Variants in KCP observed in about 807,000 individuals in gnomAD.
The protein encoded by KCP is kielin/chordin-like protein.
In KCP, 194 loss-of-function variants were observed where a neutral mutation model predicts 212.7. That is an observed-to-expected ratio of 0.91 (90% CI 0.81 to 1.03). The LOEUF is 1.03. KCP is among the 50% of genes least tolerant of loss of function. KCP has a pLI of 0.00. For missense variants in KCP, 2,080 were observed against 2,162.5 expected (o/e 0.96, Z 0.76); for synonymous variants, 833 against 865.3 (o/e 0.96, Z 0.65).
Position 128,903,779 on chromosome 7 carries a change from G to C in KCP, c.696C>G (p.Ser232Arg), listed in dbSNP as rs1008005115. Residue 232 changes from serine to arginine, a missense_variant, in exon 7 of 40, where the codon AGC (serine) becomes AGG (arginine). Ser to Arg is a moderately radical substitution (Grantham distance 110, BLOSUM62 -1). Transcript: ENST00000610776. ...GCCTCAGCACTGGCTCTGGGCAGGG[G>C]CTAGGCGGGCACTTCAGGGCCATGC... The part of the protein sequence containing the change: ...VRCMALKCPP[S>R]PCPEPVLRPG... The C allele has an allele frequency of 6.4e-7, 1 of 1,551,282 alleles. No individual in the cohort carries two copies. The highest frequency in any genetic ancestry group is 1.2e-5 in the South Asian group (1 of 84,046).
intron 7 of KCP, 146 bp from the exon 8 acceptor site, chr7:128,903,005 C>A: frequency 1.5e-6 from 1 of 656,158 alleles, no homozygotes; most frequent in Non-Finnish European, 2.7e-6. Context: ...TGCCTAGATT[C>A]CCCAGTGGCT....
At position 128,885,317 on chromosome 7, in the gene KCP, A is replaced by T. The variant is rs143525584; in HGVS notation, c.2867-47T>A. 12,890 of 1,500,772 alleles carry T rather than the reference A, an allele frequency of 8.6e-3. 56 individuals are homozygous for T. Among genetic ancestry groups the T allele is most frequent in the Non-Finnish European group, 0.01 (11,168 of 1,115,972 alleles). The allele number at this position is 1,500,772 out of a possible 1,614,324, so 93.0% of individuals were successfully genotyped here. ...GACGAGCTCGGAGGTTGAGATCTGG[A>T]CATCTGCTCCTGGCCCCCACCCTCA... On this transcript the variant is annotated intron_variant, in intron 26 of 39. Coordinates refer to ENST00000610776, the MANE Select transcript of KCP (RefSeq NM_001366122.1).
intron 1 of KCP, among the ~76,000 whole-genome samples, chr7:128,908,924 C>T (rs1044400435): frequency 1.3e-5 from 2 of 152,054 alleles, no homozygotes; most frequent in African/African-American, 4.8e-5. Context: ...ACCCTGAGCA[C>T]GGTTTTCCAG....
intron 38 of KCP, among the ~76,000 whole-genome samples, 194 bp downstream of exon 38, chr7:128,878,364 G>T (rs1210156879): frequency 6.6e-6 from 1 of 152,014 alleles, no homozygotes; most frequent in Non-Finnish European, 1.5e-5. Context: ...GGCCAATGAG[G>T]CCTCTTTTGA....
At chr7:128,897,523 C>A (rs894006822) in intron 8 of KCP, among the ~76,000 whole-genome samples, 2 of 152,030 alleles carry the variant, frequency 1.3e-5, no homozygotes, top group Admixed American at 1.3e-4. Context: ...TTAATAAGAG[C>A]TTATTTTGTC....
intron 30 of KCP, 99 bp downstream of exon 30, chr7:128,881,838 T>C: frequency 7.3e-7 from 1 of 1,374,452 alleles, no homozygotes; most frequent in Non-Finnish European, 1.0e-6. Context: ...TCAGGGCGAA[T>C]GGAGAGCCCT....
At position 128,877,033 on chromosome 7, in the gene KCP, C is replaced by G; in HGVS notation, c.*10G>C. 1 of 1,535,560 alleles carries G rather than the reference C, an allele frequency of 6.5e-7. No homozygotes were observed. The highest frequency in any genetic ancestry group is 8.7e-7 in the Non-Finnish European group (1 of 1,142,914). On this transcript the variant is annotated 3_prime_UTR_variant, in exon 40 of 40. Transcript: ENST00000610776. ...TGGCCTGATGAACCCTTATCAGGCA[C>G]TGTCCTGGCTCAGGGTGTCTCCTGG...
chr7:128,907,619 A>AG lies in KCP; in HGVS notation c.220-167dup, dbSNP rs558324048. ...TCCAGCTCAAACGATCACCATTCTCAGGGGGGCACGGGCCCCAATCTCTCC... is the reference window on the plus strand; with the variant it reads ...TCCAGCTCAAACGATCACCATTCTCAGGGGGGGCACGGGCCCCAATCTCTCC... On this transcript the variant is annotated intron_variant, in intron 2 of 39. Coordinates refer to ENST00000610776, the MANE Select transcript of KCP (RefSeq NM_001366122.1). Among the ~76,000 whole-genome samples the AG allele has an allele frequency of 2.7e-3, 414 of 152,324 alleles. 1 individual carries two copies. The highest frequency in any genetic ancestry group is 9.4e-3 in the African/African-American group (390 of 41,556).
At position 128,879,754 on chromosome 7, in the gene KCP, G is replaced by A; in HGVS notation, c.4008C>T (p.Asp1336=). Residue 1336 remains aspartate (D), a synonymous_variant, in exon 36 of 40, where the codon GAC becomes GAT. Transcript: ENST00000610776. ...CGTCCTGCAGCAGCCGCACGGCCAT[G>A]TCTCCCAGCAGCACCGCCACCTCCT... is the stretch of plus-strand genomic sequence containing the variant. The part of the protein sequence containing the change: ...WTQEVAVLLG[D]MAVRLLQDGA... 1 of 1,550,468 alleles carries A rather than the reference G, an allele frequency of 6.4e-7. No individual in the cohort carries two copies. Among genetic ancestry groups the A allele is most frequent in the Non-Finnish European group, 8.7e-7 (1 of 1,146,988 alleles).
rs947743057 is a variant in KCP, at chr7:128,877,529, G to A, written c.4573C>T (p.Arg1525Cys). Residue 1525 changes from arginine (R) to cysteine (C), a missense_variant, in exon 39 of 40, where the codon CGC becomes TGC. Arg to Cys is a radical substitution (Grantham distance 180). Transcript: ENST00000610776. ...DALEAYASHCRQAGVTPTWRG... is the reference protein window; with the variant it reads ...DALEAYASHCCQAGVTPTWRG... ...CAGGTAGGTGTCACTCCTGCCTGGCGACAGTGACTGGCGTAGGCTTCCAGG... is the reference window on the plus strand; with the variant it reads ...CAGGTAGGTGTCACTCCTGCCTGGCAACAGTGACTGGCGTAGGCTTCCAGG... 5.2e-6 allele frequency: 8 copies of A among 1,551,296 alleles called. No individual in the cohort carries two copies. The highest frequency in any genetic ancestry group is 2.4e-5 in the East Asian group (1 of 40,934).
chr7:128,887,464 T>TAC (rs956821283), intron 22 of KCP, among the ~76,000 whole-genome samples, 164 bp from the exon 23 acceptor site: 1 of 134,756 alleles, frequency 7.4e-6, no homozygotes, highest in Non-Finnish European at 1.6e-5. Context: ...CACAACCACA[T>TAC]ACACACACAC....
rs1793026377 is a variant in KCP at position 128,877,017 on chromosome 7, G to A, written c.*26C>T. On this transcript the variant is annotated 3_prime_UTR_variant, in exon 40 of 40. Coordinates refer to ENST00000610776, the MANE Select transcript of KCP (RefSeq NM_001366122.1). ...GCCAAGGGGAGACTCCTGGCCTGAT[G>A]AACCCTTATCAGGCACTGTCCTGGC... 6 of 1,535,916 alleles carry A rather than the reference G, an allele frequency of 3.9e-6. No homozygotes were observed. Among genetic ancestry groups the A allele is most frequent in the Non-Finnish European group, 5.2e-6 (6 of 1,142,996 alleles).
chr7:128,893,683 T>C, intron 11 of KCP, 123 bp downstream of exon 11: 3 of 1,117,036 alleles, frequency 2.7e-6, no homozygotes, highest in Non-Finnish European at 2.6e-6. Flanking sequence ...GAAGGTGTGG[T>C]GAGGACTCAC....
chr7:128,905,592 G>T (rs1795083497), intron 5 of KCP, among the ~76,000 whole-genome samples: 1 of 152,112 alleles, frequency 6.6e-6, no homozygotes, highest in Admixed American at 6.5e-5. Flanking sequence ...TCACAGCCCC[G>T]ACGCCTCTGT....
At chr7:128,895,415 G>C (rs1335883725) in intron 8 of KCP, among the ~76,000 whole-genome samples, 3 of 152,172 alleles carry the variant, frequency 2.0e-5, no homozygotes, top group Non-Finnish European at 4.4e-5. Flanking sequence ...AAGACCCCAT[G>C]CCTTGAATTC....
chr7:128,901,523 T>G (rs1794842371), intron 8 of KCP, among the ~76,000 whole-genome samples: 1 of 151,610 alleles, frequency 6.6e-6, no homozygotes, highest in Non-Finnish European at 1.5e-5. Context: ...CTACTCGGGA[T>G]ACGGAGGCAG....
intron 5 of KCP, chr7:128,904,481 C>T: frequency 5.4e-6 from 5 of 923,010 alleles, no homozygotes; most frequent in Non-Finnish European, 8.2e-6. Context: ...CCATCCCTCT[C>T]CTTTGCCAGA....
chr7:128,893,976 A>G lies in KCP; in HGVS notation c.1005T>C (p.Ala335=). The G allele has an allele frequency of 1.9e-6, 3 of 1,549,848 alleles. No individual in the cohort carries two copies. The highest frequency in any genetic ancestry group is 2.6e-6 in the Non-Finnish European group (3 of 1,146,176). ...CTCCCTGCCAGGCAGCCACACTCAC[A>G]GCACAGCGGCAGTGCGAGCAGGGGT... ...SGDPCSHCRC[A]NGSVQCEPLP... Residue 335 remains alanine, a splice_region_variant and synonymous_variant, in exon 10 of 40, where the codon GCT becomes GCC. Coordinates refer to ENST00000610776, the MANE Select transcript of KCP (RefSeq NM_001366122.1).
rs565803511 is a variant in KCP, at chr7:128,903,807, C to T, written c.668G>A (p.Arg223His). 2.8e-5 allele frequency: 43 copies of T among 1,549,436 alleles called. No homozygotes were observed. Among genetic ancestry groups the T allele is most frequent in the South Asian group, 2.1e-4 (18 of 84,012 alleles). The change falls in exon 7 of 40, where the codon CGC becomes CAC. Residue 223 changes from arginine (R) to histidine (H), a missense_variant. By Grantham distance (29) the Arg-to-His change is conservative. Transcript: ENST00000610776. ...AGGCGGGCACTTCAGGGCCATGCAGCGAACTCGGCTCCTCTGTAATGCACC... is the reference window on the plus strand; with the variant it reads ...AGGCGGGCACTTCAGGGCCATGCAGTGAACTCGGCTCCTCTGTAATGCACC... The part of the protein sequence containing the change: ...LQCTCLRSRV[R>H]CMALKCPPSP...
Sources: allele counts gnomAD v4.1 joint callset (sites outside exome capture counted in the v4.1 genomes callset), GRCh38; gene constraint gnomAD v4.1.1; transcripts MANE v1.5; gene names NCBI Gene and HGNC (gene_info 2026-07-23, HGNC 2026-07-21).